The following ZNF654 variants were observed in gnomAD, a reference collection of about 807,000 sequenced individuals.
The protein encoded by ZNF654 is melanoma-associated antigen.
Under a neutral mutation model 95.3 loss-of-function variants are expected in ZNF654, and 19 were observed. The observed-to-expected ratio is 0.20, with a 90% CI of 0.14 to 0.29. ZNF654 has a LOEUF of 0.29. ZNF654 is among the 10% of genes least tolerant of loss of function. The probability of loss-of-function intolerance (pLI) is 1.00; values close to 1 mark genes in which losing one functional copy is unlikely to be tolerated. For synonymous variants in ZNF654, 413 were observed against 457.9 expected, an observed-to-expected ratio of 0.90 and a Z score of 1.25; for missense variants, 1,046 against 1,341.0, an observed-to-expected ratio of 0.78 and a Z score of 3.44.
Position 88,059,452 on chromosome 3 carries a change from T to TGCG in ZNF654, c.143_145dup (p.Gly48dup), listed in dbSNP as rs1188970230. 84 of 1,519,128 alleles carry TGCG rather than the reference T, an allele frequency of 5.5e-5. No individual in the cohort carries two copies. Among genetic ancestry groups the TGCG allele is most frequent in the Non-Finnish European group, 7.2e-5 (82 of 1,141,194 alleles). The allele number at this position is 1,519,128 out of a possible 1,614,324, so 94.1% of individuals were successfully genotyped here. On this transcript the variant is annotated inframe_insertion, in exon 1 of 9. Transcript: ENST00000636215. ...CAGAGGCGGCGCTGGCAGCGGCAAC[T>TGCG]GCGGCGGCGGCGTCGGAATCAGCAG...
Position 88,141,742 on chromosome 3 carries a change from T to C in ZNF654, c.*90T>C. 1 of 1,045,956 alleles carries C rather than the reference T, an allele frequency of 9.6e-7. No homozygotes were observed. The highest frequency in any genetic ancestry group is 1.3e-6 in the Non-Finnish European group (1 of 741,994). 64.8% of individuals were successfully genotyped at this position (1,045,956 alleles called of 1,614,324 possible). The stretch of plus-strand genomic sequence containing the variant: ...CATCATCAGTTTGCTATTTCCCTGA[T>C]GGCCTTAATTTTAGAGTGGTCTTGG... On this transcript the variant is annotated 3_prime_UTR_variant, in exon 9 of 9. Coordinates refer to ENST00000636215, the MANE Select transcript of ZNF654 (RefSeq NM_001350134.2).
At chr3:88,119,879 G>GT (rs1705666126) in intron 3 of ZNF654, among the ~76,000 whole-genome samples, 1 of 152,196 alleles carries the variant, frequency 6.6e-6, no homozygotes, top group African/African-American at 2.4e-5. Flanking sequence ...TGACTATGCT[G>GT]TTAGTTGATG....
chr3:88,060,289 A>G (rs1271294787), intron 1 of ZNF654, among the ~76,000 whole-genome samples: 1 of 152,192 alleles, frequency 6.6e-6, no homozygotes, highest in Non-Finnish European at 1.5e-5. Context: ...GAACGGTGAC[A>G]TTAAATTATT....
At chr3:88,090,691 A>T (rs1472565423) in intron 2 of ZNF654, among the ~76,000 whole-genome samples, 1 of 152,172 alleles carries the variant, frequency 6.6e-6, no homozygotes, top group Non-Finnish European at 1.5e-5. Flanking sequence ...ACCTATAACA[A>T]CATCATTCTT....
intron 2 of ZNF654, among the ~76,000 whole-genome samples, chr3:88,087,807 A>G (rs1708415684): frequency 6.6e-6 from 1 of 152,212 alleles, no homozygotes; most frequent in Non-Finnish European, 1.5e-5. Flanking sequence ...TAGTTCAATC[A>G]CCAGGCCTTA....
At chr3:88,103,226 C>T (rs1411322327) in intron 2 of ZNF654, among the ~76,000 whole-genome samples, 10 of 151,842 alleles carry the variant, frequency 6.6e-5, no homozygotes, top group African/African-American at 2.2e-4. Context: ...AACTAGATCC[C>T]GATATAAAGG....
At chr3:88,065,432 A>G (rs777637691) in intron 1 of ZNF654, among the ~76,000 whole-genome samples, 7 of 152,172 alleles carry the variant, frequency 4.6e-5, no homozygotes, top group African/African-American at 7.2e-5. Context: ...ATGTAATCCT[A>G]TGTCCCTTTT....
At chr3:88,089,073 T>TA (rs931132620) in intron 2 of ZNF654, among the ~76,000 whole-genome samples, 136 of 150,218 alleles carry the variant, frequency 9.1e-4, no homozygotes, top group Non-Finnish European at 1.6e-3. Flanking sequence ...ACGCCTGACC[T>TA]AAAAAAAACT....
chr3:88,095,168 T>C (rs1212044848), intron 2 of ZNF654, among the ~76,000 whole-genome samples: 1 of 152,186 alleles, frequency 6.6e-6, no homozygotes, highest in East Asian at 1.9e-4. Flanking sequence ...AATTTGCTCC[T>C]TGTTTTGTAG....
At chr3:88,080,687 G>C (rs1372813323) in intron 1 of ZNF654, among the ~76,000 whole-genome samples, 1 of 152,058 alleles carries the variant, frequency 6.6e-6, no homozygotes, top group Non-Finnish European at 1.5e-5. Context: ...CTACAGGCAA[G>C]GGCAAATCTT....
intron 3 of ZNF654, among the ~76,000 whole-genome samples, chr3:88,116,268 C>T (rs1437967627): frequency 1.3e-5 from 2 of 152,078 alleles, no homozygotes; most frequent in African/African-American, 4.8e-5. Flanking sequence ...CCCCTGTAAT[C>T]CCAGCACTTT....
intron 2 of ZNF654, among the ~76,000 whole-genome samples, chr3:88,088,804 G>T (rs1213890784): frequency 6.7e-6 from 1 of 149,450 alleles, no homozygotes; most frequent in East Asian, 2.0e-4. Flanking sequence ...ATGGAGTCTG[G>T]CTCTGTCGCC....
chr3:88,141,086 A>G (rs1186275445), intron 8 of ZNF654, 38 bp downstream of exon 8: 1 of 1,534,022 alleles, frequency 6.5e-7, no homozygotes, highest in South Asian at 1.3e-5. Flanking sequence ...TATCTGTAGA[A>G]AGAGAAAATG....
intron 2 of ZNF654, among the ~76,000 whole-genome samples, chr3:88,105,004 G>A (rs1266063746): frequency 3.9e-5 from 6 of 152,160 alleles, no homozygotes; most frequent in Non-Finnish European, 5.9e-5. Context: ...GTCAGGTGTG[G>A]TGGCGCGCGC....
rs188944970 is a variant in ZNF654, at chr3:88,120,591, C to T, written c.415-5543C>T. Among the ~76,000 whole-genome samples the T allele has an allele frequency of 3.3e-5, 5 of 152,092 alleles. No individual in the cohort carries two copies. In the East Asian group the frequency reaches 9.7e-4, roughly 29 times the overall value. On this transcript the variant is annotated intron_variant, in intron 3 of 8. Transcript: ENST00000636215. ...ACAAACATGAGTTTTACATTCAGCC[C>T]CAAACACAAATATAAAAACAAATAA...
rs1707900561 is a variant in ZNF654 at position 88,077,930 on chromosome 3, A to G, written c.187-8327A>G. Among the ~76,000 whole-genome samples, 3 of 152,142 alleles carry G rather than the reference A, an allele frequency of 2.0e-5. No individual in the cohort carries two copies. The South Asian group carries it at 6.2e-4, about 31-fold the overall frequency. On this transcript the variant is annotated intron_variant, in intron 1 of 8. Transcript: ENST00000636215. ...GAGTCACCAAAGCCCCTTGTTTTGT[A>G]TATATGTTGAATTTTAGGTGACTAT...
At chr3:88,102,883 G>A (rs1255041861) in intron 2 of ZNF654, among the ~76,000 whole-genome samples, 2 of 134,396 alleles carry the variant, frequency 1.5e-5, no homozygotes, top group African/African-American at 2.8e-5. Flanking sequence ...ATGTATGCCA[G>A]TTTGTTGCAT....
intron 3 of ZNF654, among the ~76,000 whole-genome samples, chr3:88,122,120 A>C (rs1705805035): frequency 3.3e-5 from 5 of 152,150 alleles, no homozygotes; most frequent in Admixed American, 3.3e-4. Context: ...TTTATTATGG[A>C]TTAAGGTAGC....
chr3:88,092,480 G>C (rs552257927), intron 2 of ZNF654, among the ~76,000 whole-genome samples: 1 of 152,056 alleles, frequency 6.6e-6, no homozygotes, highest in African/African-American at 2.4e-5. Context: ...AAATGTGCTG[G>C]GTGAGCTAAC....
Sources: allele counts gnomAD v4.1 joint callset (sites outside exome capture counted in the v4.1 genomes callset), GRCh38; gene constraint gnomAD v4.1.1; transcripts MANE v1.5; gene names NCBI Gene and HGNC (gene_info 2026-07-23, HGNC 2026-07-21).